Variants in MAPK8 observed in about 807,000 individuals in gnomAD.
The protein encoded by MAPK8 is mitogen-activated protein kinase 8, also known as JUN N-terminal kinase.
In MAPK8, 13 loss-of-function variants were observed where a neutral mutation model predicts 52.9. The ratio of observed to expected loss-of-function variants is 0.25; its 90% CI spans 0.16 to 0.39. The LOEUF is 0.39. Among genes scored for constraint, MAPK8 ranks in the 10% least tolerant of loss-of-function variants. MAPK8 has a pLI of 1.00. For synonymous variants in MAPK8, 191 were observed against 169.8 expected (o/e 1.12, Z -0.97); for missense variants, 300 against 519.2 (o/e 0.58, Z 4.10).
intron 1 of MAPK8, among the ~76,000 whole-genome samples, chr10:48,311,271 T>G (rs1325132540): frequency 6.6e-6 from 1 of 152,214 alleles, no homozygotes; most frequent in African/African-American, 2.4e-5. Context: ...TAATGCACAG[T>G]GTCCATTCTA....
At chr10:48,367,943 G>A (rs1038014090) in intron 1 of MAPK8, among the ~76,000 whole-genome samples, 1 of 152,134 alleles carries the variant, frequency 6.6e-6, no homozygotes, top group Non-Finnish European at 1.5e-5. Flanking sequence ...CAGTTTTTGA[G>A]AGAAGAGAGA....
intron 1 of MAPK8, among the ~76,000 whole-genome samples, chr10:48,312,474 C>T (rs1842071057): frequency 6.6e-6 from 1 of 152,180 alleles, no homozygotes; most frequent in South Asian, 2.1e-4. Context: ...TCAAGCCTGC[C>T]ACCCACCATA....
chr10:48,382,740 CAAA>C, intron 1 of MAPK8, among the ~76,000 whole-genome samples: 1 of 142,722 alleles, frequency 7.0e-6, no homozygotes, highest in Non-Finnish European at 1.5e-5. Flanking sequence ...CTTTCTTCTA[CAAA>C]AAAAAAATAT....
At chr10:48,331,636 A>G (rs1844161772) in intron 1 of MAPK8, among the ~76,000 whole-genome samples, 1 of 152,160 alleles carries the variant, frequency 6.6e-6, no homozygotes, top group Non-Finnish European at 1.5e-5. Context: ...ATCAGCACCA[A>G]GTTGCCAGGC....
rs1450197356 is a variant in MAPK8, at chr10:48,438,924, A to G, written c.*3895A>G. On this transcript the variant is annotated 3_prime_UTR_variant, in exon 12 of 12. Coordinates refer to ENST00000374189, the MANE Select transcript of MAPK8 (RefSeq NM_001323329.2). ...AAATCTTAGTAAAAATTTTACGAAG[A>G]AATAAATTACTTTTGTAGGCCCAAT... The G allele has an allele frequency of 6.6e-6, 1 of 152,236 alleles. No homozygotes were observed. Among genetic ancestry groups the G allele is most frequent in the Non-Finnish European group, 1.5e-5 (1 of 68,030 alleles). 9.4% of individuals were successfully genotyped at this position (152,236 alleles called of 1,614,324 possible).
intron 1 of MAPK8, among the ~76,000 whole-genome samples, chr10:48,363,663 C>T (rs902782154): frequency 2.0e-5 from 3 of 152,170 alleles, no homozygotes; most frequent in East Asian, 1.9e-4. Flanking sequence ...AGCAGTAGGA[C>T]GTTTTTCTTA....
intron 1 of MAPK8, among the ~76,000 whole-genome samples, chr10:48,316,870 C>G (rs1842552191): frequency 6.6e-6 from 1 of 152,098 alleles, no homozygotes; most frequent in African/African-American, 2.4e-5. Context: ...ACGCATACAT[C>G]GTTAAGTAAG....
At chr10:48,395,627 A>G (rs2041848850) in intron 1 of MAPK8, among the ~76,000 whole-genome samples, 1 of 152,102 alleles carries the variant, frequency 6.6e-6, no homozygotes, top group African/African-American at 2.4e-5. Flanking sequence ...TTTTTTGTAG[A>G]CATGGACAAA....
chr10:48,433,142 T>C (rs2044489146), intron 11 of MAPK8, among the ~76,000 whole-genome samples: 3 of 152,228 alleles, frequency 2.0e-5, no homozygotes, highest in African/African-American at 7.2e-5. Flanking sequence ...TTCCATATTA[T>C]TACCATTCAG....
rs2045026945 is a variant in MAPK8 at position 48,438,359 on chromosome 10, A to G, written c.*3330A>G. The G allele has an allele frequency of 6.6e-6, 1 of 152,238 alleles. No individual in the cohort carries two copies. Among genetic ancestry groups the G allele is most frequent in the Non-Finnish European group, 1.5e-5 (1 of 68,034 alleles). The allele number at this position is 152,238 out of a possible 1,614,324, so 9.4% of individuals were successfully genotyped here. On this transcript the variant is annotated 3_prime_UTR_variant, in exon 12 of 12. Transcript: ENST00000374189. Reference sequence around the variant, plus strand: ...ACTAATTTTTCCTTAATAGCAAGAAAGATGAAGAGGTAAAGGGCATTGAAG... The same window carrying G: ...ACTAATTTTTCCTTAATAGCAAGAAGGATGAAGAGGTAAAGGGCATTGAAG...
intron 1 of MAPK8, among the ~76,000 whole-genome samples, chr10:48,321,357 A>T (rs1332882868): frequency 1.3e-5 from 2 of 152,130 alleles, no homozygotes. Flanking sequence ...AAGTGCTGGG[A>T]TTACAAACAT....
intron 1 of MAPK8, among the ~76,000 whole-genome samples, chr10:48,340,603 TTTC>T (rs1442966847): frequency 6.6e-6 from 1 of 152,242 alleles, no homozygotes; most frequent in Non-Finnish European, 1.5e-5. Flanking sequence ...AAGTTTTAGT[TTTC>T]TTATCTCTGA....
At chr10:48,358,579 A>G (rs1284419997) in intron 1 of MAPK8, among the ~76,000 whole-genome samples, 1 of 152,146 alleles carries the variant, frequency 6.6e-6, no homozygotes, top group East Asian at 1.9e-4. Flanking sequence ...CACTTTCTTA[A>G]TAATGTCCTC....
At chr10:48,379,695 A>G (rs1010324388) in intron 1 of MAPK8, among the ~76,000 whole-genome samples, 2 of 152,176 alleles carry the variant, frequency 1.3e-5, no homozygotes, top group Non-Finnish European at 2.9e-5. Flanking sequence ...TCAGTCCTCT[A>G]TCAGTTCAGT....
intron 1 of MAPK8, among the ~76,000 whole-genome samples, chr10:48,329,934 T>A (rs913323597): frequency 5.3e-5 from 8 of 152,184 alleles, no homozygotes; most frequent in African/African-American, 1.9e-4. Flanking sequence ...AGGAAGCATT[T>A]AAAAAAATTT....
chr10:48,361,480 A>G (rs1199303045), intron 1 of MAPK8, among the ~76,000 whole-genome samples: 1 of 152,220 alleles, frequency 6.6e-6, no homozygotes, highest in African/African-American at 2.4e-5. Flanking sequence ...GCCACTGAAC[A>G]TGAATTATTT....
rs2043654040 is a variant in MAPK8, at chr10:48,425,951, A to G, written c.752A>G (p.Lys251Arg). ...LGTPCPEFMK[K>R]LQPTVRTYVE... is the part of the protein sequence containing the mutation. ...ACACCATGTCCTGAATTCATGAAGA[A>G]ACTGCAACCAACAGTAAGGACTTAC... Residue 251 changes from lysine to arginine, a missense_variant, in exon 8 of 12, where the codon AAA becomes AGA. Physicochemically the swap from Lys to Arg is conservative, Grantham distance 26 (BLOSUM62 2). This residue lies in a region of MAPK8 where 147 missense variants were observed against 328.1 expected (regional missense o/e 0.45). Coordinates refer to ENST00000374189, the MANE Select transcript of MAPK8 (RefSeq NM_001323329.2). 1 of 1,612,882 alleles carries G rather than the reference A, an allele frequency of 6.2e-7. No homozygotes were observed. The highest frequency in any genetic ancestry group is 1.3e-5 in the African/African-American group (1 of 75,024).
chr10:48,380,133 C>T (rs1229789009), intron 1 of MAPK8, among the ~76,000 whole-genome samples: 4 of 151,340 alleles, frequency 2.6e-5, no homozygotes, highest in Non-Finnish European at 5.9e-5. Context: ...TCCCAGCTAC[C>T]CGGGAGGCTG....
At chr10:48,420,888 G>C (rs2043315645) in intron 6 of MAPK8, among the ~76,000 whole-genome samples, 1 of 152,160 alleles carries the variant, frequency 6.6e-6, no homozygotes, top group South Asian at 2.1e-4. Flanking sequence ...ATATCCAGTT[G>C]TATCAATCAA....
Sources: gnomAD v4.1 joint callset for allele counts (sites outside exome capture counted in the v4.1 genomes callset) on GRCh38, gnomAD v4.1.1 for gene constraint, gnomAD v4.1.1 regional missense constraint, MANE v1.5 for transcripts, NCBI Gene and HGNC (gene_info 2026-07-23, HGNC 2026-07-21) for gene names.